Variants in STXBP5 observed in about 807,000 individuals in gnomAD.
STXBP5 encodes syntaxin binding protein 5, also known as syntaxin-binding protein 5.
In STXBP5, 50 loss-of-function variants were observed where a neutral mutation model predicts 152.4. That is an observed-to-expected ratio of 0.33 (90% CI 0.26 to 0.42). STXBP5 has a LOEUF of 0.42. Ranked by LOEUF, STXBP5 falls within the 10% of genes least tolerant of loss-of-function variation. The probability of loss-of-function intolerance (pLI) is 1.00; values close to 1 mark genes in which losing one functional copy is unlikely to be tolerated. For missense variants in STXBP5, 1,167 were observed against 1,388.6 expected (o/e 0.84, Z 2.54); for synonymous variants, 492 against 494.7 (o/e 0.99, Z 0.07).
intron 4 of STXBP5, among the ~76,000 whole-genome samples, chr6:147,241,472 T>C (rs1051828564): frequency 1.3e-5 from 2 of 152,228 alleles, no homozygotes; most frequent in Admixed American, 1.3e-4. Context: ...ACTGATCTGT[T>C]TCCTGTCTCT....
intron 2 of STXBP5, among the ~76,000 whole-genome samples, chr6:147,228,943 T>G (rs374947143): frequency 1.6e-4 from 24 of 152,256 alleles, no homozygotes; most frequent in African/African-American, 1.7e-4. Flanking sequence ...CATACTATTC[T>G]TTACATGATC....
intron 22 of STXBP5, among the ~76,000 whole-genome samples, chr6:147,355,264 A>T (rs1784763631): frequency 6.6e-6 from 1 of 152,166 alleles, no homozygotes; most frequent in African/African-American, 2.4e-5. Context: ...ACCTGAACAG[A>T]TTCAAATCTT....
intron 9 of STXBP5, among the ~76,000 whole-genome samples, chr6:147,301,798 C>T (rs1443243991): frequency 6.6e-6 from 1 of 152,066 alleles, no homozygotes; most frequent in Non-Finnish European, 1.5e-5. Context: ...ATAATTCTAC[C>T]TGTAGTAAGT....
rs17076684 is a variant in STXBP5 at position 147,284,282 on chromosome 6, A to G, written c.838+6078A>G. Among the ~76,000 whole-genome samples the G allele has an allele frequency of 1.0e-2, 1,516 of 152,262 alleles. 67 individuals carry two copies. The East Asian group carries it at 0.15, about 16-fold the overall frequency. ...ACATAACTGCAGTGTAACAAGCATA[A>G]CACTTAAAATATGTTCCTCATCCTA... On this transcript the variant is annotated intron_variant, in intron 8 of 27. Coordinates refer to ENST00000321680, the MANE Select transcript of STXBP5 (RefSeq NM_001127715.4).
intron 22 of STXBP5, among the ~76,000 whole-genome samples, chr6:147,355,703 T>C (rs145905370): frequency 1.3e-5 from 2 of 152,262 alleles, no homozygotes; most frequent in African/African-American, 2.4e-5. Context: ...GTTTGTTAAA[T>C]TGTGATGATA....
At chr6:147,222,269 T>C (rs1582804180) in intron 2 of STXBP5, among the ~76,000 whole-genome samples, 2 of 152,354 alleles carry the variant, frequency 1.3e-5, no homozygotes, top group East Asian at 3.9e-4. Context: ...ATTCTGATGC[T>C]TGCTCCATCT....
chr6:147,316,220 T>C lies in STXBP5; in HGVS notation c.1624-9T>C, dbSNP rs758981173. 2 of 1,613,370 alleles carry C rather than the reference T, an allele frequency of 1.2e-6. No individual in the cohort carries two copies. The highest frequency in any genetic ancestry group is 3.3e-5 in the Admixed American group (2 of 59,884). ...TAGGAGTAAGTAAACTACCTTACTTTTACAACAGATGCTTGAAGTTCGATT... is the reference window on the plus strand; with the variant it reads ...TAGGAGTAAGTAAACTACCTTACTTCTACAACAGATGCTTGAAGTTCGATT... On this transcript the variant is annotated splice_polypyrimidine_tract_variant and intron_variant, in intron 15 of 27. Coordinates refer to ENST00000321680, the MANE Select transcript of STXBP5 (RefSeq NM_001127715.4).
At chr6:147,261,880 TA>T (rs1226217834) in intron 5 of STXBP5, among the ~76,000 whole-genome samples, 2 of 152,084 alleles carry the variant, frequency 1.3e-5, no homozygotes, top group East Asian at 3.9e-4. Flanking sequence ...ATTTTTTTTT[TA>T]ATAGAATGTT....
chr6:147,294,168 T>G (rs148952346), intron 9 of STXBP5, among the ~76,000 whole-genome samples: 208 of 152,282 alleles, frequency 1.4e-3, no homozygotes, highest in African/African-American at 4.8e-3. Context: ...TCCATTGAAG[T>G]TGTTTCTTTG....
At chr6:147,273,795 CA>C (rs1017513881) in intron 7 of STXBP5, among the ~76,000 whole-genome samples, 10 of 151,844 alleles carry the variant, frequency 6.6e-5, no homozygotes, top group African/African-American at 2.2e-4. Flanking sequence ...ACTAAAAATA[CA>C]AAAAAACTAG....
chr6:147,247,139 T>C (rs1778848962), intron 4 of STXBP5, among the ~76,000 whole-genome samples: 1 of 152,178 alleles, frequency 6.6e-6, no homozygotes, highest in African/African-American at 2.4e-5. Flanking sequence ...TCTATACAGG[T>C]CTTAAGATTT....
chr6:147,379,534 T>G (rs1323246449), intron 26 of STXBP5, among the ~76,000 whole-genome samples: 1 of 152,156 alleles, frequency 6.6e-6, no homozygotes, highest in Admixed American at 6.6e-5. Context: ...ACACTTAATA[T>G]AGTTCTAATA....
intron 26 of STXBP5, among the ~76,000 whole-genome samples, chr6:147,376,072 G>A (rs1785796243): frequency 6.6e-6 from 1 of 152,156 alleles, no homozygotes; most frequent in South Asian, 2.1e-4. Flanking sequence ...GATTTGGAAC[G>A]AAACTGATGT....
intron 9 of STXBP5, among the ~76,000 whole-genome samples, chr6:147,308,283 G>T (rs9485164): frequency 4.6e-5 from 7 of 152,252 alleles, no homozygotes; most frequent in African/African-American, 1.4e-4. Context: ...CATAATAATT[G>T]CAGTATGCTG....
At chr6:147,281,005 G>A (rs1447805946) in intron 8 of STXBP5, among the ~76,000 whole-genome samples, 1 of 151,902 alleles carries the variant, frequency 6.6e-6, no homozygotes, top group Non-Finnish European at 1.5e-5. Context: ...AGTGTAATAG[G>A]GTTTCCAGCT....
At chr6:147,346,249 T>G (rs1178684304) in intron 21 of STXBP5, among the ~76,000 whole-genome samples, 1 of 152,112 alleles carries the variant, frequency 6.6e-6, no homozygotes, top group Non-Finnish European at 1.5e-5. Flanking sequence ...ATTAGAAATA[T>G]GAACATCATA....
intron 9 of STXBP5, among the ~76,000 whole-genome samples, chr6:147,305,289 A>G (rs1422964916): frequency 6.6e-6 from 1 of 152,218 alleles, no homozygotes; most frequent in Non-Finnish European, 1.5e-5. Context: ...CTTCTTGACC[A>G]CAGTTTGGAA....
At chr6:147,213,716 C>A (rs1365051028) in intron 2 of STXBP5, among the ~76,000 whole-genome samples, 2 of 151,890 alleles carry the variant, frequency 1.3e-5, no homozygotes, top group South Asian at 2.1e-4. Context: ...GTTTCCTGAC[C>A]TGATTTGCTA....
Position 147,333,902 on chromosome 6 carries a change from A to G in STXBP5, c.2081-255A>G, listed in dbSNP as rs1434616267. 2.0e-5 allele frequency among the ~76,000 whole-genome samples: 3 copies of G among 152,190 alleles called. No homozygotes were observed. In the East Asian group the frequency reaches 5.8e-4, roughly 29 times the overall value. On this transcript the variant is annotated intron_variant, in intron 18 of 27. Transcript: ENST00000321680. ...ACGTCAATCACCAGGCAAATTTATA[A>G]CATATTGTTTACTTTGTATTTTATC...
Sources: allele counts gnomAD v4.1 joint callset (sites outside exome capture counted in the v4.1 genomes callset), GRCh38; gene constraint gnomAD v4.1.1; transcripts MANE v1.5; gene names NCBI Gene and HGNC (gene_info 2026-07-23, HGNC 2026-07-21).